DHRSX: variants seen among roughly 807,000 people sequenced by gnomAD.
The protein encoded by DHRSX is dehydrogenase/reductase X-linked.
In DHRSX, 31 loss-of-function variants were observed where a neutral mutation model predicts 34.0. The observed-to-expected ratio is 0.91, with a 90% confidence interval of 0.69 to 1.23. The LOEUF (loss-of-function observed/expected upper bound fraction) is 1.23. DHRSX is among the 50% of genes most tolerant of loss of function. The pLI is 0.00. For synonymous variants in DHRSX, 201 were observed against 183.8 expected, an observed-to-expected ratio of 1.09 and a Z score of -0.76; for missense variants, 414 against 428.1, an observed-to-expected ratio of 0.97 and a Z score of 0.29.
At chrX:2,369,600 G>A (rs1203821239) in intron 3 of DHRSX, among the ~76,000 whole-genome samples, 2 of 152,008 alleles carry the variant, frequency 1.3e-5, no homozygotes, top group Admixed American at 1.3e-4. Flanking sequence ...AGGTTCAAAC[G>A]ATTCCCCTGC....
At chrX:2,370,199 TCTCA>T (rs2043040378) in intron 3 of DHRSX, among the ~76,000 whole-genome samples, 1 of 151,322 alleles carries the variant, frequency 6.6e-6, no homozygotes, top group African/African-American at 2.4e-5. Context: ...TGAAACAGAG[TCTCA>T]CTCTGTCTCC....
chrX:2,453,620 A>G (rs1569503007), intron 1 of DHRSX, among the ~76,000 whole-genome samples: 1 of 152,138 alleles, frequency 6.6e-6, no homozygotes, highest in African/African-American at 2.4e-5. Context: ...GCCGAGAGCT[A>G]TGAACATGAT....
chrX:2,236,355 A>T (rs1319461378), intron 6 of DHRSX, among the ~76,000 whole-genome samples: 1 of 152,126 alleles, frequency 6.6e-6, no homozygotes, highest in Admixed American at 6.5e-5. Flanking sequence ...GTGGAGGAGG[A>T]AACAGCCAGG....
intron 1 of DHRSX, among the ~76,000 whole-genome samples, chrX:2,451,980 A>T (rs1317883072): frequency 6.6e-6 from 1 of 152,080 alleles, no homozygotes; most frequent in African/African-American, 2.4e-5. Context: ...TGGCTAAGGC[A>T]CCACTGCCAT....
chrX:2,468,729 G>C (rs2044538308), intron 1 of DHRSX, among the ~76,000 whole-genome samples: 1 of 151,572 alleles, frequency 6.6e-6, no homozygotes, highest in South Asian at 2.1e-4. Context: ...CGGCACTGAA[G>C]ACTTTCCCTA....
At chrX:2,360,590 A>T (rs1217572750) in intron 3 of DHRSX, among the ~76,000 whole-genome samples, 1 of 152,064 alleles carries the variant, frequency 6.6e-6, no homozygotes, top group African/African-American at 2.4e-5. Flanking sequence ...TTCAACAACA[A>T]CAACAAAAAA....
At chrX:2,409,385 A>G (rs1238481944) in intron 2 of DHRSX, among the ~76,000 whole-genome samples, 1 of 152,096 alleles carries the variant, frequency 6.6e-6, no homozygotes, top group African/African-American at 2.4e-5. Flanking sequence ...TCAACCCATC[A>G]TCTACATTAG....
At chrX:2,335,278 G>T (rs1385583919) in intron 3 of DHRSX, among the ~76,000 whole-genome samples, 1 of 151,762 alleles carries the variant, frequency 6.6e-6, no homozygotes, top group Non-Finnish European at 1.5e-5. Flanking sequence ...TCCCAAGGTG[G>T]TCAGGGCACA....
intron 6 of DHRSX, among the ~76,000 whole-genome samples, chrX:2,238,169 C>T (rs1649138717): frequency 6.6e-6 from 1 of 152,104 alleles, no homozygotes; most frequent in African/African-American, 2.4e-5. Context: ...GGCTGGACAA[C>T]ATAGCAAGAC....
chrX:2,311,075 AAG>A (rs1160827912), intron 3 of DHRSX, among the ~76,000 whole-genome samples: 2 of 145,388 alleles, frequency 1.4e-5, no homozygotes, highest in East Asian at 2.0e-4. Flanking sequence ...AAAAAAAAAA[AAG>A]AGAGACAGAA....
intron 1 of DHRSX, among the ~76,000 whole-genome samples, chrX:2,427,269 C>T (rs2043862402): frequency 6.6e-6 from 1 of 152,076 alleles, no homozygotes; most frequent in Non-Finnish European, 1.5e-5. Flanking sequence ...GAGCCAAGCA[C>T]ATGGAAGGAG....
chrX:2,263,046 C>T (rs1422080624), intron 5 of DHRSX, among the ~76,000 whole-genome samples: 2 of 152,230 alleles, frequency 1.3e-5, no homozygotes, highest in African/African-American at 2.4e-5. Flanking sequence ...GTGGGGAGGG[C>T]GCCCACCCTG....
intron 3 of DHRSX, among the ~76,000 whole-genome samples, chrX:2,309,010 A>G (rs939785441): frequency 6.6e-5 from 10 of 152,132 alleles, no homozygotes; most frequent in African/African-American, 2.4e-4. Context: ...CTTTAAAATG[A>G]TAGGTTTCTG....
At chrX:2,241,273 T>C (rs991137874) in intron 6 of DHRSX, among the ~76,000 whole-genome samples, 2 of 152,200 alleles carry the variant, frequency 1.3e-5, no homozygotes, top group Non-Finnish European at 2.9e-5. Context: ...ACGAAGATCA[T>C]TGCAGAAATG....
chrX:2,233,487 C>T (rs2015944427), intron 6 of DHRSX, among the ~76,000 whole-genome samples: 1 of 151,970 alleles, frequency 6.6e-6, no homozygotes, highest in African/African-American at 2.4e-5. Flanking sequence ...ACAAGAGCAT[C>T]TTTGAAGTTC....
chrX:2,385,227 A>G (rs1316479051), intron 3 of DHRSX, among the ~76,000 whole-genome samples: 4 of 152,048 alleles, frequency 2.6e-5, no homozygotes, highest in Non-Finnish European at 5.9e-5. Context: ...CATCATCATC[A>G]TTTAGGGAAA....
chrX:2,382,955 TATC>T (rs1183611247), intron 3 of DHRSX, among the ~76,000 whole-genome samples: 1 of 117,670 alleles, frequency 8.5e-6, no homozygotes, highest in Non-Finnish European at 1.8e-5. Context: ...TTATCATTTC[TATC>T]ATCACCATCA....
At chrX:2,485,803 GAAGGA>G in intron 1 of DHRSX, among the ~76,000 whole-genome samples, 1 of 44,228 alleles carries the variant, frequency 2.3e-5, no homozygotes, top group Non-Finnish European at 4.5e-5. Context: ...GGGAGAGAAG[GAAGGA>G]AGGGAGAGAA....
At chrX:2,377,098 C>G (rs1337118714) in intron 3 of DHRSX, among the ~76,000 whole-genome samples, 1 of 152,032 alleles carries the variant, frequency 6.6e-6, no homozygotes, top group Non-Finnish European at 1.5e-5. Flanking sequence ...CCGTCCCCAG[C>G]CTTTCTGGCA....
Sources: allele counts gnomAD v4.1 joint callset (sites outside exome capture counted in the v4.1 genomes callset), GRCh38; gene constraint gnomAD v4.1.1; transcripts MANE v1.5; gene names NCBI Gene and HGNC (gene_info 2026-07-23, HGNC 2026-07-21).